SLC8A1: variants seen among roughly 807,000 people sequenced by gnomAD.
SLC8A1 encodes the protein solute carrier family 8 member A1, also known as sodium/calcium exchanger 1.
Under a neutral mutation model 68.3 loss-of-function variants are expected in SLC8A1, and 18 were observed. The observed-to-expected ratio is 0.26, with a 90% CI of 0.18 to 0.39. The LOEUF is 0.39. Among genes scored for constraint, SLC8A1 ranks in the 10% least tolerant of loss-of-function variants. The pLI is 1.00. For synonymous variants in SLC8A1, 475 were observed against 415.5 expected, an observed-to-expected ratio of 1.14 and a Z score of -1.74; for missense variants, 985 against 1,156.7, an observed-to-expected ratio of 0.85 and a Z score of 2.15.
intron 2 of SLC8A1, among the ~76,000 whole-genome samples, chr2:40,416,387 T>C (rs1693888391): frequency 1.3e-5 from 2 of 152,354 alleles, no homozygotes; most frequent in South Asian, 4.1e-4. Flanking sequence ...TATTTTTATA[T>C]ATTTGTTGTC....
chr2:40,508,042 A>T (rs1456384347), intron 1 of SLC8A1, among the ~76,000 whole-genome samples: 1 of 152,144 alleles, frequency 6.6e-6, no homozygotes, highest in Non-Finnish European at 1.5e-5. Flanking sequence ...TAAATTCAAC[A>T]ATAGCTTGCA....
At chr2:40,443,775 A>C (rs7565880) in intron 1 of SLC8A1, among the ~76,000 whole-genome samples, 3,504 of 152,244 alleles carry the variant, frequency 0.023, 118 homozygotes, top group African/African-American at 0.08. Flanking sequence ...TCATCTGTAA[A>C]ACTGGGAAAT....
At chr2:40,278,413 G>A (rs2067054367) in intron 2 of SLC8A1, among the ~76,000 whole-genome samples, 1 of 152,124 alleles carries the variant, frequency 6.6e-6, no homozygotes, top group South Asian at 2.1e-4. Flanking sequence ...AGGTGGCAGT[G>A]AGCCAAGATC....
At chr2:40,446,830 C>A (rs569208379) in intron 1 of SLC8A1, among the ~76,000 whole-genome samples, 1 of 152,348 alleles carries the variant, frequency 6.6e-6, no homozygotes, top group South Asian at 2.1e-4. Context: ...GTGTGTAAAG[C>A]ATTCAGACTA....
chr2:40,509,817 T>A (rs911291315), intron 1 of SLC8A1, among the ~76,000 whole-genome samples: 1 of 121,504 alleles, frequency 8.2e-6, no homozygotes, highest in African/African-American at 3.3e-5. Flanking sequence ...CAGCCTTTTT[T>A]TTGTTTTTTT....
chr2:40,448,241 G>T (rs1411846224), intron 1 of SLC8A1, among the ~76,000 whole-genome samples: 3 of 152,144 alleles, frequency 2.0e-5, no homozygotes, highest in African/African-American at 7.2e-5. Context: ...TGTGTGCATG[G>T]AGGACTGGGG....
intron 3 of SLC8A1, among the ~76,000 whole-genome samples, chr2:40,175,595 G>C (rs1330765585): frequency 6.6e-6 from 1 of 151,934 alleles, no homozygotes; most frequent in Non-Finnish European, 1.5e-5. Context: ...TTTATACCTA[G>C]TATGTAAATC....
chr2:40,122,543 G>C (rs1185981047), intron 7 of SLC8A1, among the ~76,000 whole-genome samples: 1 of 152,198 alleles, frequency 6.6e-6, no homozygotes, highest in African/African-American at 2.4e-5. Context: ...TTTGTCCCCA[G>C]CTACAAATGA....
chr2:40,260,613 G>A (rs1363840329), intron 2 of SLC8A1, among the ~76,000 whole-genome samples: 1 of 152,038 alleles, frequency 6.6e-6, no homozygotes, highest in East Asian at 1.9e-4. Flanking sequence ...AGAGGTAATA[G>A]GAATTCAAGC....
Position 40,439,866 on chromosome 2 carries a change from A to AG in SLC8A1, c.-24-9563_-24-9562insC, listed in dbSNP as rs1700149234. On this transcript the variant is annotated intron_variant, in intron 1 of 7. Coordinates refer to ENST00000406785, the Ensembl canonical transcript of SLC8A1. ...GGTGATGGGTGCTCACATAAGGGTG[A>AG]CTCTCCATCAGTGTTGTATGCTACA... 2.6e-5 allele frequency among the ~76,000 whole-genome samples: 4 copies of AG among 152,214 alleles called. No homozygotes were observed. The East Asian group carries it at 7.7e-4, about 29-fold the overall frequency.
At chr2:40,461,521 C>G (rs1352121783) in intron 1 of SLC8A1, among the ~76,000 whole-genome samples, 1 of 152,134 alleles carries the variant, frequency 6.6e-6, no homozygotes, top group Non-Finnish European at 1.5e-5. Flanking sequence ...TGAAAAAACC[C>G]TTGCCCACTC....
At chr2:40,243,911 G>A (rs1252918175) in intron 2 of SLC8A1, among the ~76,000 whole-genome samples, 1 of 152,140 alleles carries the variant, frequency 6.6e-6, no homozygotes, top group African/African-American at 2.4e-5. Context: ...ACCTCAAGGG[G>A]AATACTTGAA....
At chr2:40,326,992 AC>A (rs2075897998) in intron 2 of SLC8A1, among the ~76,000 whole-genome samples, 1 of 152,236 alleles carries the variant, frequency 6.6e-6, no homozygotes, top group Non-Finnish European at 1.5e-5. Flanking sequence ...TCCATAGGAA[AC>A]AAAACATTAC....
At chr2:40,309,139 T>C (rs1412615813) in intron 2 of SLC8A1, among the ~76,000 whole-genome samples, 1 of 152,226 alleles carries the variant, frequency 6.6e-6, no homozygotes, top group African/African-American at 2.4e-5. Flanking sequence ...TTACTGCATT[T>C]AGCTTTTGAG....
At chr2:40,230,062 G>C (rs1243040958) in intron 2 of SLC8A1, among the ~76,000 whole-genome samples, 1 of 152,140 alleles carries the variant, frequency 6.6e-6, no homozygotes, top group African/African-American at 2.4e-5. Context: ...ACAAGTTCCA[G>C]AGCTGGCATC....
rs539822349 is a variant in SLC8A1, at chr2:40,438,943, G to C, written c.-24-8639C>G. ...TGGGGCTTGTTTAGCAAACAGACTG[G>C]AAGTGCGTGTCTGAAAATCAGAAAA... On this transcript the variant is annotated intron_variant, in intron 1 of 7. Coordinates refer to ENST00000406785, the Ensembl canonical transcript of SLC8A1. Among the ~76,000 whole-genome samples the C allele has an allele frequency of 2.6e-5, 4 of 152,234 alleles. No individual in the cohort carries two copies. The South Asian group carries it at 8.3e-4, about 32-fold the overall frequency.
intron 1 of SLC8A1, among the ~76,000 whole-genome samples, chr2:40,494,671 A>ATG (rs1705566902): frequency 9.7e-6 from 1 of 103,496 alleles, no homozygotes; most frequent in Non-Finnish European, 2.3e-5. Context: ...ATATATATAT[A>ATG]TATATATATA....
At chr2:40,303,510 G>A (rs764735672) in intron 2 of SLC8A1, among the ~76,000 whole-genome samples, 1 of 152,146 alleles carries the variant, frequency 6.6e-6, no homozygotes, top group African/African-American at 2.4e-5. Flanking sequence ...CCACTAACTT[G>A]ACTTTGTCTT....
At chr2:40,281,949 A>G (rs2067590093) in intron 2 of SLC8A1, among the ~76,000 whole-genome samples, 1 of 152,144 alleles carries the variant, frequency 6.6e-6, no homozygotes, top group South Asian at 2.1e-4. Context: ...TAATACTCAA[A>G]GTTGGTAGTT....
Sources: allele counts gnomAD v4.1 joint callset (sites outside exome capture counted in the v4.1 genomes callset), GRCh38; gene constraint gnomAD v4.1.1; transcripts MANE v1.5; gene names NCBI Gene and HGNC (gene_info 2026-07-23, HGNC 2026-07-21).